Variants in KDM2A observed in about 807,000 individuals in gnomAD.
KDM2A encodes the protein lysine demethylase 2A, also known as lysine-specific demethylase 2A.
A neutral mutation model predicts 137.3 loss-of-function variants in KDM2A; 3 were observed. The ratio of observed to expected loss-of-function variants is 0.02; its 90% CI spans 0.01 to 0.06. The LOEUF is 0.06. KDM2A is among the 10% of genes least tolerant of loss of function. The probability of loss-of-function intolerance (pLI) is 1.00; values close to 1 mark genes in which losing one functional copy is unlikely to be tolerated. For missense variants in KDM2A, 738 were observed against 1,510.6 expected, an observed-to-expected ratio of 0.49 and a Z score of 8.48; for synonymous variants, 512 against 541.5, an observed-to-expected ratio of 0.95 and a Z score of 0.76.
chr11:67,163,764 G>A (rs1283975095), intron 2 of KDM2A, among the ~76,000 whole-genome samples: 1 of 151,872 alleles, frequency 6.6e-6, no homozygotes, highest in African/African-American at 2.4e-5. Context: ...GTTGCAGCAG[G>A]AGAATCGCTT....
At position 67,252,929 on chromosome 11, in the gene KDM2A, C is replaced by T; in HGVS notation, c.2932+72C>T. The stretch of plus-strand genomic sequence containing the variant: ...CGGGCAAGAAAAGTTGCATTATTGG[C>T]AGTGCTTCTTAGCATCACTGGAGGG... On this transcript the variant is annotated intron_variant, in intron 18 of 20. Transcript: ENST00000529006. 2.0e-6 allele frequency: 3 copies of T among 1,492,296 alleles called. No homozygotes were observed. In the Admixed American group the frequency reaches 6.0e-5, roughly 30 times the overall value. 92.4% of individuals were successfully genotyped at this position (1,492,296 alleles called of 1,614,324 possible).
Position 67,217,747 on chromosome 11 carries a change from C to G in KDM2A, c.704C>G (p.Pro235Arg), listed in dbSNP as rs1858214815. The G allele has an allele frequency of 1.2e-6, 2 of 1,613,588 alleles. No homozygotes were observed. Among genetic ancestry groups the G allele is most frequent in the African/African-American group, 2.7e-5 (2 of 74,994 alleles). Residue 235 changes from proline (P) to arginine (R), a missense_variant, in exon 9 of 21, where the codon CCC (proline) becomes CGC (arginine). By Grantham distance (103) the Pro-to-Arg change is moderately radical. Around this residue, in one of 9 missense-constraint regions of KDM2A, gnomAD observed 43 missense variants for 254.6 expected, o/e 0.17. Coordinates refer to ENST00000529006, the MANE Select transcript of KDM2A (RefSeq NM_012308.3). ...HQGGKVFWLI[P>R]PTAHNLELYE... is the part of the protein sequence containing the mutation. Reference sequence around the variant, plus strand: ...AACTCACAGGTCTTCTGGCTCATCCCCCCTACAGCCCACAACCTGGAGCTG... The same window carrying G: ...AACTCACAGGTCTTCTGGCTCATCCGCCCTACAGCCCACAACCTGGAGCTG...
At chr11:67,139,035 G>C (rs1856034968) in intron 2 of KDM2A, among the ~76,000 whole-genome samples, 1 of 152,132 alleles carries the variant, frequency 6.6e-6, no homozygotes, top group Non-Finnish European at 1.5e-5. Flanking sequence ...CTTAGGCACA[G>C]TATCCTTGAA....
chr11:67,160,174 A>G (rs748010441), intron 2 of KDM2A, among the ~76,000 whole-genome samples: 10 of 152,144 alleles, frequency 6.6e-5, no homozygotes, highest in Non-Finnish European at 8.8e-5. Flanking sequence ...ATAAAATTCT[A>G]TAGTTCAGTT....
intron 16 of KDM2A, among the ~76,000 whole-genome samples, chr11:67,249,769 A>G (rs749739542): frequency 2.0e-5 from 3 of 152,222 alleles, no homozygotes; most frequent in Admixed American, 6.5e-5. Context: ...CAAATGGTAT[A>G]TGTGGGCTTT....
chr11:67,152,081 G>A (rs1030263642), intron 2 of KDM2A, among the ~76,000 whole-genome samples: 17 of 151,686 alleles, frequency 1.1e-4, no homozygotes, highest in Admixed American at 7.9e-4. Context: ...TTGGGAGGCC[G>A]AGGCAGGCAG....
chr11:67,160,370 T>C (rs925929312), intron 2 of KDM2A, among the ~76,000 whole-genome samples: 13 of 152,206 alleles, frequency 8.5e-5, no homozygotes, highest in African/African-American at 3.1e-4. Context: ...GTCTGAATGC[T>C]GCTTTGACCT....
intron 6 of KDM2A, among the ~76,000 whole-genome samples, chr11:67,211,063 A>G (rs1049577135): frequency 6.6e-6 from 1 of 152,088 alleles, no homozygotes; most frequent in Non-Finnish European, 1.5e-5. Flanking sequence ...TTTCAAAACA[A>G]ACAAACAAAC....
chr11:67,183,130 G>A (rs1857127091), intron 5 of KDM2A, among the ~76,000 whole-genome samples: 1 of 152,112 alleles, frequency 6.6e-6, no homozygotes, highest in South Asian at 2.1e-4. Flanking sequence ...TTAAACCCTG[G>A]CCATCTGCCT....
chr11:67,201,281 TG>T (rs1857617652), intron 5 of KDM2A, among the ~76,000 whole-genome samples: 1 of 151,842 alleles, frequency 6.6e-6, no homozygotes, highest in Non-Finnish European at 1.5e-5. Context: ...GTGATTCTGC[TG>T]GTAAATCTGG....
Position 67,254,503 on chromosome 11 carries a change from T to C in KDM2A, c.3307+85T>C. Reference sequence around the variant, plus strand: ...CTTGATCAGTAAACCAGAATGACCTTGGGTCTGTTGATTGACCCACATCAG... The same window carrying C: ...CTTGATCAGTAAACCAGAATGACCTCGGGTCTGTTGATTGACCCACATCAG... On this transcript the variant is annotated intron_variant, in intron 20 of 20. Coordinates refer to ENST00000529006, the MANE Select transcript of KDM2A (RefSeq NM_012308.3). The surrounding 1 kb of genome is among the most constrained non-coding windows in gnomAD (Gnocchi z 4.7). The C allele has an allele frequency of 8.5e-7, 1 of 1,179,128 alleles. No homozygotes were observed. Among genetic ancestry groups the C allele is most frequent in the East Asian group, 2.3e-5 (1 of 42,792 alleles). 73.0% of individuals were successfully genotyped at this position (1,179,128 alleles called of 1,614,324 possible).
At chr11:67,242,086 TA>T (rs1314792823) in intron 12 of KDM2A, among the ~76,000 whole-genome samples, 5 of 151,908 alleles carry the variant, frequency 3.3e-5, no homozygotes, top group Admixed American at 2.0e-4. Flanking sequence ...AAATAAAAAT[TA>T]AAAAAAATAT....
At chr11:67,132,541 C>A (rs1443643408) in intron 2 of KDM2A, among the ~76,000 whole-genome samples, 1 of 152,168 alleles carries the variant, frequency 6.6e-6, no homozygotes, top group Non-Finnish European at 1.5e-5. Context: ...CCTGCCTCGG[C>A]CTCCCAAAGT....
chr11:67,179,162 C>G lies in KDM2A; in HGVS notation c.43-917C>G, dbSNP rs576112397. Among the ~76,000 whole-genome samples the G allele has an allele frequency of 5.3e-5, 8 of 152,242 alleles. No individual in the cohort carries two copies. The South Asian group carries it at 1.7e-3, about 32-fold the overall frequency. ...TTTCTAATGACTAATGAGAATTGAGCATTTTTCATGTGCTTATTGTACATT... is the reference window on the plus strand; with the variant it reads ...TTTCTAATGACTAATGAGAATTGAGGATTTTTCATGTGCTTATTGTACATT... On this transcript the variant is annotated intron_variant, in intron 2 of 20. Transcript: ENST00000529006.
intron 5 of KDM2A, among the ~76,000 whole-genome samples, chr11:67,186,244 A>G (rs1857203524): frequency 6.6e-6 from 1 of 152,202 alleles, no homozygotes; most frequent in Admixed American, 6.5e-5. Context: ...GAAAGCATCA[A>G]GAGAGAAATG....
At chr11:67,192,904 C>T (rs1857391308) in intron 5 of KDM2A, among the ~76,000 whole-genome samples, 1 of 152,172 alleles carries the variant, frequency 6.6e-6, no homozygotes, top group African/African-American at 2.4e-5. Context: ...CCAGTTTACA[C>T]TTTGTTGAGT....
chr11:67,144,472 G>C (rs756365230), intron 2 of KDM2A, among the ~76,000 whole-genome samples: 1 of 151,798 alleles, frequency 6.6e-6, no homozygotes, highest in Non-Finnish European at 1.5e-5. Flanking sequence ...GGCTGGTCTT[G>C]AACTCCTGAC....
chr11:67,154,814 C>T (rs912695247), intron 2 of KDM2A, among the ~76,000 whole-genome samples: 2 of 152,058 alleles, frequency 1.3e-5, no homozygotes, highest in African/African-American at 4.8e-5. Flanking sequence ...AGCATATGTT[C>T]GAGGTTCATC....
At chr11:67,153,306 T>C (rs1039116716) in intron 2 of KDM2A, among the ~76,000 whole-genome samples, 5 of 152,112 alleles carry the variant, frequency 3.3e-5, no homozygotes, top group African/African-American at 1.2e-4. Flanking sequence ...TATGCATGTT[T>C]ACAAGGACGT....
Sources: allele counts gnomAD v4.1 joint callset (sites outside exome capture counted in the v4.1 genomes callset), GRCh38; gene constraint gnomAD v4.1.1; regional missense constraint gnomAD v4.1.1; non-coding constraint Gnocchi (gnomAD v3.1); transcripts MANE v1.5; gene names NCBI Gene and HGNC (gene_info 2026-07-23, HGNC 2026-07-21).